ITSN1: variants seen among roughly 807,000 people sequenced by gnomAD.
ITSN1 encodes the protein intersectin-1.
Under a neutral mutation model 239.8 loss-of-function variants are expected in ITSN1, and 58 were observed. That is an observed-to-expected ratio of 0.24 (90% CI 0.20 to 0.30). ITSN1 has a LOEUF of 0.30. ITSN1 is among the 10% of genes least tolerant of loss of function. ITSN1 has a pLI of 1.00. For missense variants in ITSN1, 1,558 were observed against 2,103.3 expected, an observed-to-expected ratio of 0.74 and a Z score of 5.07; for synonymous variants, 780 against 770.8, an observed-to-expected ratio of 1.01 and a Z score of -0.20.
intron 28 of ITSN1, among the ~76,000 whole-genome samples, chr21:33,835,079 A>G (rs575064706): frequency 2.6e-5 from 4 of 152,370 alleles, no homozygotes; most frequent in South Asian, 2.1e-4. Flanking sequence ...TCTTTAAGCC[A>G]TCATTCTTGG....
intron 35 of ITSN1, among the ~76,000 whole-genome samples, 156 bp from the exon 36 acceptor site, chr21:33,883,394 A>G (rs749109947): frequency 2.3e-4 from 35 of 152,216 alleles, no homozygotes; most frequent in Non-Finnish European, 4.3e-4. Flanking sequence ...TGCTCAGTCT[A>G]GGTTACTGAA....
At chr21:33,748,638 G>A (rs981415113) in intron 5 of ITSN1, among the ~76,000 whole-genome samples, 2 of 151,112 alleles carry the variant, frequency 1.3e-5, no homozygotes, top group Non-Finnish European at 2.9e-5. Context: ...CCAGAAGTTC[G>A]AGACGAGCTC....
chr21:33,862,404 G>T (rs762487820), intron 31 of ITSN1, among the ~76,000 whole-genome samples: 18 of 152,102 alleles, frequency 1.2e-4, no homozygotes, highest in Non-Finnish European at 2.4e-4. Context: ...AGCAGAAAAT[G>T]AAGGAAAAAT....
chr21:33,802,807 T>A (rs867520212), intron 20 of ITSN1, among the ~76,000 whole-genome samples: 1 of 152,212 alleles, frequency 6.6e-6, no homozygotes, highest in African/African-American at 2.4e-5. Flanking sequence ...TTGGAATAAT[T>A]TTCTGGCTAA....
At chr21:33,690,803 ATATATATATATG>A (rs1375744412) in intron 1 of ITSN1, among the ~76,000 whole-genome samples, 576 of 22,652 alleles carry the variant, frequency 0.025, 94 homozygotes, top group African/African-American at 0.04. Flanking sequence ...ATATATATAT[ATATATATATATG>A]TATATATATA....
chr21:33,659,832 A>C (rs1204848362), intron 1 of ITSN1, among the ~76,000 whole-genome samples: 2 of 147,028 alleles, frequency 1.4e-5, no homozygotes, highest in African/African-American at 5.1e-5. Flanking sequence ...CAATCCTCTC[A>C]CCTCAGCCTC....
chr21:33,849,459 G>A (rs556361565), intron 29 of ITSN1, among the ~76,000 whole-genome samples: 66 of 151,822 alleles, frequency 4.3e-4, no homozygotes, highest in African/African-American at 1.3e-3. Flanking sequence ...CCAGCTACTC[G>A]GGAGGCTGAG....
intron 35 of ITSN1, among the ~76,000 whole-genome samples, chr21:33,883,068 A>T (rs959556705): frequency 6.6e-6 from 1 of 151,890 alleles, no homozygotes. Context: ...TTATTATGGG[A>T]AAAAAAAGAG....
intron 16 of ITSN1, among the ~76,000 whole-genome samples, chr21:33,785,858 T>G (rs889771519): frequency 3.9e-5 from 6 of 152,226 alleles, no homozygotes; most frequent in Non-Finnish European, 8.8e-5. Flanking sequence ...AGGTGTCATA[T>G]TTATATATTC....
At position 33,818,357 on chromosome 21, in the gene ITSN1, A is replaced by C; in HGVS notation, c.2818A>C (p.Ile940Leu). The C allele has an allele frequency of 6.2e-7, 1 of 1,614,228 alleles. No individual in the cohort carries two copies. Among genetic ancestry groups the C allele is most frequent in the South Asian group, 1.1e-5 (1 of 91,086 alleles). ...NHLNFNKNDV[I>L]TVLEQQDMWW... The stretch of plus-strand genomic sequence containing the variant: ...CTTAAATTTTAACAAAAATGATGTC[A>C]TCACCGTCCTGGAACAGCAAGACAT... The change falls in exon 23 of 40, where the codon ATC (isoleucine) becomes CTC (leucine). Residue 940 changes from isoleucine to leucine, a missense_variant. Transcript: ENST00000381318.
intron 1 of ITSN1, among the ~76,000 whole-genome samples, chr21:33,673,785 A>T (rs1248435298): frequency 6.6e-6 from 1 of 152,158 alleles, no homozygotes; most frequent in Non-Finnish European, 1.5e-5. Context: ...TTATTGAACA[A>T]ATGAATGTGG....
At chr21:33,742,684 A>C (rs1277163997) in intron 5 of ITSN1, among the ~76,000 whole-genome samples, 1 of 152,194 alleles carries the variant, frequency 6.6e-6, no homozygotes, top group Non-Finnish European at 1.5e-5. Flanking sequence ...CTTCATACTC[A>C]GGAAAAATGA....
chr21:33,769,390 GT>G (rs570157397), intron 11 of ITSN1, among the ~76,000 whole-genome samples: 2 of 152,308 alleles, frequency 1.3e-5, no homozygotes, highest in Admixed American at 1.3e-4. Flanking sequence ...GACTTGGAGA[GT>G]TTTTTAAATT....
At position 33,818,469 on chromosome 21, in the gene ITSN1, C is replaced by T. The variant is rs558186603; in HGVS notation, c.2930C>T (p.Thr977Ile). The change falls in exon 23 of 40, where the codon ACA (threonine) becomes ATA (isoleucine). Residue 977 changes from threonine (T) to isoleucine (I), a missense_variant. Physicochemically the swap from Thr to Ile is moderately conservative, Grantham distance 89. Transcript: ENST00000381318. ...KLISGPIRKS[T>I]SMDSGSSESP... ...ATTTCAGGGCCCATAAGGAAGTCTA[C>T]AAGGTATTTTTGTATTTATCTGCTT... 5.6e-6 allele frequency: 9 copies of T among 1,612,800 alleles called. 1 individual carries two copies. In the South Asian group the frequency reaches 9.9e-5, roughly 18 times the overall value.
At chr21:33,695,375 GGAGTGT>G (rs1296141014) in intron 1 of ITSN1, among the ~76,000 whole-genome samples, 1 of 152,208 alleles carries the variant, frequency 6.6e-6, no homozygotes, top group African/African-American at 2.4e-5. Context: ...TTTAAAAGTT[GGAGTGT>G]CAAGGAAATA....
chr21:33,713,904 G>A (rs984257701), intron 1 of ITSN1, among the ~76,000 whole-genome samples: 3 of 128,526 alleles, frequency 2.3e-5, no homozygotes, highest in East Asian at 2.4e-4. Context: ...GCGCTATCTC[G>A]GCTCACTGCA....
rs201697690 is a variant in ITSN1 at position 33,836,400 on chromosome 21, C to T, written c.3470-41C>T. The T allele has an allele frequency of 8.1e-5, 120 of 1,484,940 alleles. No homozygotes were observed. The East Asian group carries it at 1.2e-3, about 14-fold the overall frequency. The allele number at this position is 1,484,940 out of a possible 1,614,324, so 92.0% of individuals were successfully genotyped here. ...TGCGCGGTACCCGTTGTGCATTCTCCGGCGGGTGTGCAGCCGCTCACCCAG... is the reference window on the plus strand; with the variant it reads ...TGCGCGGTACCCGTTGTGCATTCTCTGGCGGGTGTGCAGCCGCTCACCCAG... On this transcript the variant is annotated intron_variant, in intron 28 of 39. Coordinates refer to ENST00000381318, the MANE Select transcript of ITSN1 (RefSeq NM_003024.3).
intron 14 of ITSN1, among the ~76,000 whole-genome samples, chr21:33,777,017 C>A: frequency 6.6e-6 from 1 of 151,544 alleles, no homozygotes; most frequent in East Asian, 1.9e-4. Flanking sequence ...TTATTTTCTT[C>A]TAGAAGTTTT....
At chr21:33,665,300 G>A (rs764448751) in intron 1 of ITSN1, among the ~76,000 whole-genome samples, 4 of 151,862 alleles carry the variant, frequency 2.6e-5, no homozygotes, top group East Asian at 1.9e-4. Flanking sequence ...GCAAGATAAC[G>A]TCATTAAAAA....
Sources: gnomAD v4.1 joint callset for allele counts (sites outside exome capture counted in the v4.1 genomes callset) on GRCh38, gnomAD v4.1.1 for gene constraint, MANE v1.5 for transcripts, NCBI Gene and HGNC (gene_info 2026-07-23, HGNC 2026-07-21) for gene names.